The following ATOSA variants were observed in gnomAD, a reference collection of about 807,000 sequenced individuals.
ATOSA encodes atos homolog A.
the ATOSA span, among the ~76,000 whole-genome samples, chr15:52,705,154 C>A: frequency 1.3e-5 from 2 of 152,262 alleles, no homozygotes; most frequent in South Asian, 4.2e-4. Context: ...CACATATACA[C>A]CATGGAATAC....
At chr15:52,661,931 CAAAA>C in the ATOSA span, among the ~76,000 whole-genome samples, 2 of 73,256 alleles carry the variant, frequency 2.7e-5, no homozygotes, top group Non-Finnish European at 4.6e-5. Context: ...CAAGCCAGGC[CAAAA>C]AAAAAAAAAA....
chr15:52,590,303 C>T, the ATOSA span, among the ~76,000 whole-genome samples: 3,466 of 152,280 alleles, frequency 0.023, 140 homozygotes, highest in African/African-American at 0.08. Flanking sequence ...GCCACTGGCA[C>T]ACCTGCCTTA....
At chr15:52,622,112 G>A in the ATOSA span, among the ~76,000 whole-genome samples, 34 of 152,140 alleles carry the variant, frequency 2.2e-4, no homozygotes, top group African/African-American at 8.2e-4. Flanking sequence ...CTCCCAAAGT[G>A]CTGGATTACA....
At chr15:52,609,962 GA>G in the ATOSA span, 1 of 1,613,004 alleles carries the variant, frequency 6.2e-7, no homozygotes, top group African/African-American at 1.3e-5. Context: ...CTAAAGCCTA[GA>G]ATATTGGCTT....
At chr15:52,693,312 T>C in the ATOSA span, among the ~76,000 whole-genome samples, 1 of 152,008 alleles carries the variant, frequency 6.6e-6, no homozygotes, top group Non-Finnish European at 1.5e-5. Flanking sequence ...CTCAGCTACT[T>C]GGGAGGCTAA....
At chr15:52,645,736 A>C in the ATOSA span, among the ~76,000 whole-genome samples, 1 of 152,184 alleles carries the variant, frequency 6.6e-6, no homozygotes, top group African/African-American at 2.4e-5. Flanking sequence ...AAGACTCTCA[A>C]GTAGAAAATA....
the ATOSA span, among the ~76,000 whole-genome samples, chr15:52,665,976 A>T: frequency 6.6e-6 from 1 of 152,198 alleles, no homozygotes; most frequent in Non-Finnish European, 1.5e-5. Flanking sequence ...TGGTTTAATT[A>T]AAAAATATAC....
the ATOSA span, among the ~76,000 whole-genome samples, chr15:52,640,841 C>G: frequency 1.3e-5 from 2 of 151,700 alleles, no homozygotes; most frequent in South Asian, 4.2e-4. Flanking sequence ...TGTATTTATA[C>G]ATTATATAAT....
At chr15:52,694,229 C>T in the ATOSA span, among the ~76,000 whole-genome samples, 4 of 150,954 alleles carry the variant, frequency 2.6e-5, no homozygotes, top group Non-Finnish European at 4.4e-5. Flanking sequence ...TGCAATGGCA[C>T]GATCTCAGCT....
the ATOSA span, among the ~76,000 whole-genome samples, chr15:52,684,422 A>C: frequency 6.6e-6 from 1 of 152,120 alleles, no homozygotes; most frequent in Admixed American, 6.5e-5. Context: ...CTGTAGTCCT[A>C]GTTACTTAGG....
the ATOSA span, chr15:52,649,827 T>C: frequency 6.6e-6 from 1 of 152,196 alleles, no homozygotes; most frequent in African/African-American, 2.4e-5. Flanking sequence ...TGCTCCAGTA[T>C]ATAAAACATT....
the ATOSA span, chr15:52,587,296 T>C: frequency 1.7e-6 from 2 of 1,208,090 alleles, no homozygotes; most frequent in Non-Finnish European, 2.3e-6. Flanking sequence ...ATAACTCATG[T>C]AATTTATTAA....
the ATOSA span, among the ~76,000 whole-genome samples, chr15:52,661,575 C>T: frequency 2.6e-5 from 4 of 152,152 alleles, no homozygotes; most frequent in African/African-American, 9.7e-5. Flanking sequence ...TTCAGAATAA[C>T]AAAATTATTT....
chr15:52,602,429 A>C, the ATOSA span, among the ~76,000 whole-genome samples: 2 of 152,020 alleles, frequency 1.3e-5, no homozygotes, highest in Admixed American at 6.6e-5. Flanking sequence ...GATTCTTTTA[A>C]GGTGCTTTGT....
the ATOSA span, among the ~76,000 whole-genome samples, chr15:52,703,817 T>G: frequency 6.6e-6 from 1 of 152,104 alleles, no homozygotes; most frequent in Non-Finnish European, 1.5e-5. Flanking sequence ...GTTGTGTACA[T>G]GTACCCTAGA....
the ATOSA span, among the ~76,000 whole-genome samples, chr15:52,685,324 C>T: frequency 6.6e-6 from 1 of 152,102 alleles, no homozygotes; most frequent in East Asian, 1.9e-4. Context: ...CCTAATGAGA[C>T]TTGAATGCAT....
the ATOSA span, chr15:52,609,114 C>T: frequency 1.2e-6 from 2 of 1,613,412 alleles, no homozygotes; most frequent in African/African-American, 1.3e-5. Flanking sequence ...TGTTCTGTGT[C>T]TCCTGATACG....
At chr15:52,648,029 G>T in the ATOSA span, among the ~76,000 whole-genome samples, 1 of 151,996 alleles carries the variant, frequency 6.6e-6, no homozygotes, top group Admixed American at 6.6e-5. Flanking sequence ...CTTAGGGAAA[G>T]GTCTAAAAAA....
At chr15:52,668,811 T>C in the ATOSA span, among the ~76,000 whole-genome samples, 2 of 138,664 alleles carry the variant, frequency 1.4e-5, no homozygotes, top group African/African-American at 2.7e-5. Context: ...CCTACTTATA[T>C]GGAGATAAAA....
Sources: allele counts gnomAD v4.1 joint callset (sites outside exome capture counted in the v4.1 genomes callset), GRCh38; gene constraint gnomAD v4.1.1; transcripts MANE v1.5; gene names NCBI Gene and HGNC (gene_info 2026-07-23, HGNC 2026-07-21).